The following ABCC11 variants were observed in gnomAD, a reference collection of about 807,000 sequenced individuals.
ABCC11 encodes the protein ATP-binding cassette sub-family C member 11.
Under a neutral mutation model 149.3 loss-of-function variants are expected in ABCC11, and 135 were observed. The ratio of observed to expected loss-of-function variants is 0.90; its 90% confidence interval spans 0.79 to 1.04. The LOEUF (loss-of-function observed/expected upper bound fraction) is 1.04. ABCC11 is among the 50% of genes least tolerant of loss of function. The pLI, the probability that ABCC11 is intolerant of heterozygous loss-of-function variation, is 0.00. For missense variants in ABCC11, 1,680 were observed against 1,722.1 expected, an observed-to-expected ratio of 0.98 and a Z score of 0.43; for synonymous variants, 665 against 671.4, an observed-to-expected ratio of 0.99 and a Z score of 0.15.
intron 10 of ABCC11, 144 bp downstream of exon 10, chr16:48,213,299 T>C (rs1969074866): frequency 3.1e-6 from 2 of 649,822 alleles, no homozygotes; most frequent in Non-Finnish European, 5.2e-6. Context: ...CACACCAGCC[T>C]TGGAACAGGA....
At chr16:48,237,734 G>A (rs971938416) in intron 1 of ABCC11, among the ~76,000 whole-genome samples, 1 of 152,104 alleles carries the variant, frequency 6.6e-6, no homozygotes, top group Non-Finnish European at 1.5e-5. Flanking sequence ...GAAATCACTA[G>A]GTCCCAAGCT....
chr16:48,208,467 C>T lies in ABCC11; in HGVS notation c.1638G>A (p.Thr546=), dbSNP rs773148405. ...ACAACAGGCTGCTCTTACCACTCCC[C>T]GTGTTGCCGCAGACCCCTAACATCA... ...KGMMLGVCGN[T]GSGKSSLLSA... The change falls in exon 12 of 30, where the codon ACG becomes ACA. Residue 546 remains threonine, a synonymous_variant. Transcript: ENST00000356608. The T allele has an allele frequency of 1.9e-5, 31 of 1,614,032 alleles. No homozygotes were observed. Among genetic ancestry groups the T allele is most frequent in the African/African-American group, 2.7e-5 (2 of 74,912 alleles).
chr16:48,188,791 G>A (rs1298776798), intron 20 of ABCC11, among the ~76,000 whole-genome samples: 2 of 152,200 alleles, frequency 1.3e-5, no homozygotes, highest in East Asian at 3.8e-4. Context: ...AAAGGTTCAT[G>A]GCACTGACCA....
intron 15 of ABCC11, 21 bp from the exon 16 acceptor site, chr16:48,198,296 AAGGCTTC>A: frequency 6.2e-7 from 1 of 1,611,840 alleles, no homozygotes; most frequent in Non-Finnish European, 8.5e-7. Flanking sequence ...AAAAGAAAGA[AAGGCTTC>A]AGTAAGCACA....
At chr16:48,195,578 C>T (rs1002715712) in intron 18 of ABCC11, among the ~76,000 whole-genome samples, 3 of 152,136 alleles carry the variant, frequency 2.0e-5, no homozygotes, top group Non-Finnish European at 4.4e-5. Context: ...AGTACAGCAC[C>T]ATATACTGAG....
intron 1 of ABCC11, chr16:48,244,276 A>G (rs1334912537): frequency 6.9e-6 from 5 of 729,074 alleles, no homozygotes; most frequent in Non-Finnish European, 1.1e-5. Flanking sequence ...CGTAGCGCGT[A>G]GCCGGAAGCG....
chr16:48,177,382 T>C (rs1257437965), intron 24 of ABCC11, among the ~76,000 whole-genome samples: 1 of 152,246 alleles, frequency 6.6e-6, no homozygotes, highest in Non-Finnish European at 1.5e-5. Flanking sequence ...ACTGTGTGAC[T>C]TTAAAGAAAT....
At chr16:48,185,180 T>C (rs1048827180) in intron 22 of ABCC11, among the ~76,000 whole-genome samples, 3 of 152,220 alleles carry the variant, frequency 2.0e-5, no homozygotes, top group Admixed American at 2.0e-4. Context: ...CCTTTTGCTA[T>C]GAAAATTTTT....
intron 4 of ABCC11, among the ~76,000 whole-genome samples, chr16:48,226,072 C>CATTATTATTATTATTATTATT (rs141311389): frequency 0.036 from 5,356 of 150,138 alleles, 115 homozygotes; most frequent in African/African-American, 0.046. Flanking sequence ...TTTCCAGGTA[C>CATTATTATTATTATTATTATT]ATTATTATTA....
At chr16:48,176,617 C>G (rs1459663128) in intron 25 of ABCC11, among the ~76,000 whole-genome samples, 1 of 152,190 alleles carries the variant, frequency 6.6e-6, no homozygotes, top group Non-Finnish European at 1.5e-5. Flanking sequence ...ACCCAGGTAT[C>G]CAAGGCCCAG....
intron 18 of ABCC11, 75 bp from the exon 19 acceptor site, chr16:48,194,057 A>G (rs1378339580): frequency 2.7e-6 from 3 of 1,110,326 alleles, no homozygotes; most frequent in Admixed American, 1.8e-5. Flanking sequence ...CTGCTCGGCC[A>G]TCTCTGTCTT....
chr16:48,183,194 A>T (rs1966551350), intron 23 of ABCC11, among the ~76,000 whole-genome samples: 3 of 152,222 alleles, frequency 2.0e-5, no homozygotes. Context: ...AAGCCACATA[A>T]CCACAGAGGG....
At chr16:48,244,540 C>A (rs1403047692) in intron 1 of ABCC11, 5 of 1,563,908 alleles carry the variant, frequency 3.2e-6, no homozygotes, top group South Asian at 1.2e-5. Context: ...AAGGGCACGT[C>A]GCTGCAAAGC....
At chr16:48,221,909 T>C (rs1969766289) in intron 6 of ABCC11, among the ~76,000 whole-genome samples, 1 of 151,686 alleles carries the variant, frequency 6.6e-6, no homozygotes, top group Non-Finnish European at 1.5e-5. Flanking sequence ...GCCTGGTTAA[T>C]TTTTGTCTTT....
At chr16:48,237,746 A>T (rs1970757326) in intron 1 of ABCC11, among the ~76,000 whole-genome samples, 1 of 152,182 alleles carries the variant, frequency 6.6e-6, no homozygotes, top group South Asian at 2.1e-4. Flanking sequence ...TCCCAAGCTC[A>T]GACATTCCAG....
chr16:48,200,192 T>C (rs925601079), intron 15 of ABCC11, 84 bp downstream of exon 15: 3 of 1,415,474 alleles, frequency 2.1e-6, no homozygotes, highest in South Asian at 1.3e-5. Context: ...GGGAGGCTGT[T>C]ATTGAATCAC....
Position 48,215,271 on chromosome 16 carries a change from G to A in ABCC11, c.1025C>T (p.Thr342Ile). ...SEVSDQRIRV[T>I]SEVLTCIKLI... ...CTTAATGCAAGTGAGAACTTCACTG[G>A]TCACACGGATGCGCTGGTCGCTGAC... Residue 342 changes from threonine (T) to isoleucine (I), a missense_variant, in exon 8 of 30, where the codon ACC (threonine) becomes ATC (isoleucine). Thr to Ile is a moderately conservative substitution (Grantham distance 89). Transcript: ENST00000356608. 6.2e-7 allele frequency: 1 copy of A among 1,614,130 alleles called. No individual in the cohort carries two copies. Among genetic ancestry groups the A allele is most frequent in the Non-Finnish European group, 8.5e-7 (1 of 1,179,986 alleles).
chr16:48,208,341 TG>T, intron 12 of ABCC11, 83 bp downstream of exon 12: 5 of 1,504,812 alleles, frequency 3.3e-6, no homozygotes, highest in South Asian at 1.2e-5. Flanking sequence ...AAGAAAGCAG[TG>T]GGGGGCCCCG....
At chr16:48,212,426 G>T (rs565858497) in intron 10 of ABCC11, among the ~76,000 whole-genome samples, 1 of 151,872 alleles carries the variant, frequency 6.6e-6, no homozygotes, top group South Asian at 2.1e-4. Context: ...AATGAGCTAA[G>T]AAAAAAAACA....
Sources: allele counts gnomAD v4.1 joint callset (sites outside exome capture counted in the v4.1 genomes callset), GRCh38; gene constraint gnomAD v4.1.1; transcripts MANE v1.5; gene names NCBI Gene and HGNC (gene_info 2026-07-23, HGNC 2026-07-21).